The following UNC79 variants were observed in gnomAD, a reference collection of about 807,000 sequenced individuals.
The protein encoded by UNC79 is protein unc-79 homolog.
UNC79 carries 37 observed loss-of-function variants against 283.1 expected under a neutral mutation model. That is an observed-to-expected ratio of 0.13 (90% confidence interval 0.10 to 0.17). UNC79 has a LOEUF of 0.17. UNC79 is among the 10% of genes least tolerant of loss of function. UNC79 has a pLI of 1.00. For missense variants in UNC79, 2,272 were observed against 3,211.1 expected (o/e 0.71, Z 7.07); for synonymous variants, 1,107 against 1,200.2 (o/e 0.92, Z 1.61).
At chr14:93,549,915 C>G (rs1167780203) in intron 14 of UNC79, among the ~76,000 whole-genome samples, 1 of 152,186 alleles carries the variant, frequency 6.6e-6, no homozygotes, top group East Asian at 1.9e-4. Flanking sequence ...AAGAAGACAG[C>G]TTTAGGCTAG....
chr14:93,573,433 C>A (rs986485278), intron 16 of UNC79, among the ~76,000 whole-genome samples: 8 of 152,152 alleles, frequency 5.3e-5, no homozygotes, highest in African/African-American at 1.9e-4. Context: ...GTATTTATAA[C>A]CCTCTTCATC....
At chr14:93,466,486 C>A (rs1010798359) in intron 1 of UNC79, among the ~76,000 whole-genome samples, 1 of 152,206 alleles carries the variant, frequency 6.6e-6, no homozygotes, top group Non-Finnish European at 1.5e-5. Flanking sequence ...CTATGTGCCT[C>A]ATTTTCCCCA....
chr14:93,409,006 A>G (rs981218360), intron 1 of UNC79, among the ~76,000 whole-genome samples: 1 of 152,246 alleles, frequency 6.6e-6, no homozygotes, highest in African/African-American at 2.4e-5. Context: ...CACTTTGTCA[A>G]TAAAATTAGG....
rs766209009 is a variant in UNC79, at chr14:93,622,647, C to T, written c.5414C>T (p.Thr1805Ile). The T allele has an allele frequency of 6.2e-7, 1 of 1,614,096 alleles. No individual in the cohort carries two copies. Among genetic ancestry groups the T allele is most frequent in the Admixed American group, 1.7e-5 (1 of 60,014 alleles). The change falls in exon 30 of 49, where the codon ACC (threonine) becomes ATC (isoleucine). Residue 1805 changes from threonine to isoleucine, a missense_variant. By Grantham distance (89) the Thr-to-Ile change is moderately conservative. This residue lies in a region of UNC79 where 580 missense variants were observed against 632.2 expected (regional missense o/e 0.92). Coordinates refer to ENST00000555664, the Ensembl canonical transcript of UNC79. Reference sequence around the variant, plus strand: ...CCCACAGAAAGTGAGAAGCCTGATACCAGTGCAGAATCTGATACAGAACAG... The same window carrying T: ...CCCACAGAAAGTGAGAAGCCTGATATCAGTGCAGAATCTGATACAGAACAG...
chr14:93,472,644 T>C (rs2057574439), intron 2 of UNC79, among the ~76,000 whole-genome samples: 1 of 152,132 alleles, frequency 6.6e-6, no homozygotes, highest in Non-Finnish European at 1.5e-5. Context: ...TTTCTTACAT[T>C]GTAACATATT....
chr14:93,348,296 T>G (rs1204124595), intron 1 of UNC79: 3 of 503,118 alleles, frequency 6.0e-6, no homozygotes, highest in Non-Finnish European at 1.1e-5. Flanking sequence ...TATAGATGTA[T>G]AGTCAAAAAT....
intron 11 of UNC79, among the ~76,000 whole-genome samples, chr14:93,536,181 G>A (rs1488215905): frequency 6.6e-6 from 1 of 152,216 alleles, no homozygotes; most frequent in Non-Finnish European, 1.5e-5. Flanking sequence ...AAAAAGTGAG[G>A]AAATGAGAGG....
intron 35 of UNC79, among the ~76,000 whole-genome samples, chr14:93,648,053 G>T (rs1249197037): frequency 6.6e-6 from 1 of 152,186 alleles, no homozygotes; most frequent in Non-Finnish European, 1.5e-5. Flanking sequence ...AATTATGGGA[G>T]CTACAATTCA....
chr14:93,376,384 C>A (rs1037819980), intron 1 of UNC79, among the ~76,000 whole-genome samples: 1 of 151,958 alleles, frequency 6.6e-6, no homozygotes, highest in Non-Finnish European at 1.5e-5. Context: ...GGAAAATGAG[C>A]ATTATTTACT....
At chr14:93,610,846 A>G (rs2066253284) in intron 26 of UNC79, among the ~76,000 whole-genome samples, 1 of 152,094 alleles carries the variant, frequency 6.6e-6, no homozygotes, top group South Asian at 2.1e-4. Flanking sequence ...CCTGGGCTCA[A>G]GTGATTCTCC....
At chr14:93,687,509 T>C (rs1403868829) in intron 43 of UNC79, among the ~76,000 whole-genome samples, 1 of 152,176 alleles carries the variant, frequency 6.6e-6, no homozygotes, top group Non-Finnish European at 1.5e-5. Context: ...ATGATTCCTT[T>C]TTGATAATTA....
intron 32 of UNC79, 132 bp from the exon 36 acceptor site, chr14:93,641,013 G>T: frequency 1.6e-6 from 1 of 639,678 alleles, no homozygotes; most frequent in South Asian, 2.6e-5. Flanking sequence ...GCTTTCTGCA[G>T]TACAGTTGGG....
At chr14:93,418,903 C>T (rs796123626) in intron 1 of UNC79, among the ~76,000 whole-genome samples, 14 of 151,764 alleles carry the variant, frequency 9.2e-5, no homozygotes, top group East Asian at 1.9e-4. Context: ...GGGAGTGACC[C>T]GATTTTCCAG....
intron 1 of UNC79, among the ~76,000 whole-genome samples, chr14:93,417,455 T>C (rs2055488054): frequency 6.6e-6 from 1 of 152,164 alleles, no homozygotes; most frequent in Admixed American, 6.5e-5. Context: ...GCCCTTAACA[T>C]TTTTTCCTTC....
At chr14:93,659,982 G>C (rs2071362525) in intron 39 of UNC79, among the ~76,000 whole-genome samples, 1 of 152,086 alleles carries the variant, frequency 6.6e-6, no homozygotes, top group Admixed American at 6.5e-5. Flanking sequence ...ATTTGATAGA[G>C]CTCTCTATAG....
intron 1 of UNC79, among the ~76,000 whole-genome samples, chr14:93,399,217 G>A (rs1321112999): frequency 1.3e-5 from 2 of 152,082 alleles, no homozygotes; most frequent in Non-Finnish European, 2.9e-5. Context: ...CCCTCTACAT[G>A]TGGGGATTAC....
intron 7 of UNC79, 49 bp from the exon 8 acceptor site, chr14:93,523,929 A>C: frequency 6.3e-7 from 1 of 1,590,482 alleles, no homozygotes; most frequent in Non-Finnish European, 8.6e-7. Context: ...TTACTAGGGC[A>C]TGAATAATTT....
At chr14:93,599,995 A>T (rs542558952) in intron 24 of UNC79, among the ~76,000 whole-genome samples, 2 of 152,280 alleles carry the variant, frequency 1.3e-5, no homozygotes, top group South Asian at 2.1e-4. Context: ...AGGTCAGGAG[A>T]TCGAGACCAT....
chr14:93,394,436 A>G (rs2054950337), intron 1 of UNC79, among the ~76,000 whole-genome samples: 1 of 130,640 alleles, frequency 7.7e-6, no homozygotes, highest in South Asian at 2.3e-4. Context: ...TTTGAGACAT[A>G]GTCCTGCTCT....
Sources: gnomAD v4.1 joint callset for allele counts (sites outside exome capture counted in the v4.1 genomes callset) on GRCh38, gnomAD v4.1.1 for gene constraint, gnomAD v4.1.1 regional missense constraint, MANE v1.5 for transcripts, NCBI Gene and HGNC (gene_info 2026-07-23, HGNC 2026-07-21) for gene names.